The following FA2H variants were observed in gnomAD, a reference collection of about 807,000 sequenced individuals.
The protein encoded by FA2H is fatty acid alpha-hydroxylase.
Under a neutral mutation model 44.9 loss-of-function variants are expected in FA2H, and 22 were observed. That is an observed-to-expected ratio of 0.49 (90% CI 0.35 to 0.70). The LOEUF (loss-of-function observed/expected upper bound fraction) is 0.70, where lower values mean the gene tolerates loss of function less well. Among genes scored for constraint, FA2H ranks in the 30% least tolerant of loss-of-function variants. The probability of loss-of-function intolerance (pLI) is 0.01; values close to 1 mark genes in which losing one functional copy is unlikely to be tolerated. For synonymous variants in FA2H, 243 were observed against 213.2 expected (o/e 1.14, Z -1.22); for missense variants, 501 against 504.9 (o/e 0.99, Z 0.07).
rs79924008 is a variant in FA2H, at chr16:74,742,126, A to G, written c.271-2011T>C. ...CTAGCACGGGTCTTGCAAATACCAGATGCTCCACCCACATTTCCCCAGTGG... is the reference window on the plus strand; with the variant it reads ...CTAGCACGGGTCTTGCAAATACCAGGTGCTCCACCCACATTTCCCCAGTGG... On this transcript the variant is annotated intron_variant, in intron 1 of 6. Transcript: ENST00000219368. Among the ~76,000 whole-genome samples the G allele has an allele frequency of 7.7e-3, 1,169 of 152,038 alleles. 8 individuals are homozygous for G. The highest frequency in any genetic ancestry group is 0.01 in the Non-Finnish European group (695 of 67,990).
At chr16:74,716,761 T>A in intron 5 of FA2H, 162 bp from the exon 6 acceptor site, 1 of 701,580 alleles carries the variant, frequency 1.4e-6, no homozygotes, top group Non-Finnish European at 2.3e-6. Flanking sequence ...CCACCACGTC[T>A]GGAAGATCTG....
intron 1 of FA2H, among the ~76,000 whole-genome samples, chr16:74,773,690 C>T (rs1305179368): frequency 6.6e-6 from 1 of 152,222 alleles, no homozygotes; most frequent in African/African-American, 2.4e-5. Context: ...CAGAGCCTCC[C>T]TGAGCCTCAG....
chr16:74,761,440 A>T (rs1962706933), intron 1 of FA2H, among the ~76,000 whole-genome samples: 1 of 149,072 alleles, frequency 6.7e-6, no homozygotes, highest in African/African-American at 2.5e-5. Flanking sequence ...GCAACAGAGC[A>T]AGACTCTGTC....
chr16:74,740,785 C>T (rs915687688), intron 1 of FA2H, among the ~76,000 whole-genome samples: 2 of 152,072 alleles, frequency 1.3e-5, no homozygotes, highest in African/African-American at 4.8e-5. Flanking sequence ...GGGTCCCTGC[C>T]GGTTCTCCTT....
At chr16:74,729,420 G>A (rs941399254) in intron 2 of FA2H, among the ~76,000 whole-genome samples, 3 of 152,180 alleles carry the variant, frequency 2.0e-5, no homozygotes, top group Non-Finnish European at 1.5e-5. Flanking sequence ...CAGACTACAG[G>A]AGCGTGCCAC....
chr16:74,764,018 T>C (rs1962760784), intron 1 of FA2H, among the ~76,000 whole-genome samples: 1 of 152,244 alleles, frequency 6.6e-6, no homozygotes, highest in Non-Finnish European at 1.5e-5. Context: ...TGTTTCACAA[T>C]ATAAAGTACT....
chr16:74,734,230 G>A (rs1469299406), intron 2 of FA2H, among the ~76,000 whole-genome samples: 1 of 152,228 alleles, frequency 6.6e-6, no homozygotes, highest in Non-Finnish European at 1.5e-5. Context: ...GCATCTGGGG[G>A]CTCCCACGGC....
chr16:74,749,930 G>A (rs1436733411), intron 1 of FA2H, among the ~76,000 whole-genome samples: 1 of 152,212 alleles, frequency 6.6e-6, no homozygotes, highest in Non-Finnish European at 1.5e-5. Context: ...TCTCCGTGCT[G>A]GGAGCACAGC....
chr16:74,722,119 TC>T (rs1961854897), intron 4 of FA2H, among the ~76,000 whole-genome samples: 2 of 139,948 alleles, frequency 1.4e-5, no homozygotes, highest in African/African-American at 5.3e-5. Context: ...CCACCCTCCC[TC>T]CCAAGGGACT....
intron 1 of FA2H, among the ~76,000 whole-genome samples, chr16:74,741,983 G>A (rs1349264164): frequency 6.6e-6 from 1 of 151,568 alleles, no homozygotes; most frequent in African/African-American, 2.4e-5. Flanking sequence ...CTCTTCCCGT[G>A]ACAGCAGCTC....
chr16:74,765,036 ACT>A (rs1035465745), intron 1 of FA2H, among the ~76,000 whole-genome samples: 9 of 152,140 alleles, frequency 5.9e-5, no homozygotes, highest in African/African-American at 2.2e-4. Context: ...GGTTTTGCTA[ACT>A]CTCTCCGGCT....
intron 1 of FA2H, among the ~76,000 whole-genome samples, chr16:74,750,176 T>G (rs1053868248): frequency 6.6e-6 from 1 of 152,196 alleles, no homozygotes; most frequent in Non-Finnish European, 1.5e-5. Flanking sequence ...GACTGAGACC[T>G]CAAGCCACCT....
chr16:74,726,771 C>G (rs960810124), intron 3 of FA2H, among the ~76,000 whole-genome samples: 4 of 152,152 alleles, frequency 2.6e-5, no homozygotes, highest in African/African-American at 9.7e-5. Flanking sequence ...CTATGGAGAC[C>G]TGGGGTCAAA....
chr16:74,768,194 G>A (rs1962843484), intron 1 of FA2H, among the ~76,000 whole-genome samples: 1 of 152,232 alleles, frequency 6.6e-6, no homozygotes, highest in Admixed American at 6.5e-5. Flanking sequence ...TTACTCTCAT[G>A]TATTTCTAGG....
intron 1 of FA2H, among the ~76,000 whole-genome samples, chr16:74,773,328 A>C (rs1245140966): frequency 6.7e-6 from 1 of 149,240 alleles, no homozygotes; most frequent in Non-Finnish European, 1.5e-5. Context: ...ATTGTTCTTA[A>C]TTTATAAATT....
At chr16:74,771,391 G>A (rs986721005) in intron 1 of FA2H, among the ~76,000 whole-genome samples, 3 of 151,616 alleles carry the variant, frequency 2.0e-5, no homozygotes, top group East Asian at 1.9e-4. Context: ...AGATTTTACC[G>A]TGTTGCCCAG....
chr16:74,724,613 G>A (rs951997080), intron 4 of FA2H, among the ~76,000 whole-genome samples: 2 of 152,132 alleles, frequency 1.3e-5, no homozygotes, highest in Non-Finnish European at 2.9e-5. Flanking sequence ...CCTGTGGCTT[G>A]TGCCTTGCAT....
At chr16:74,752,050 C>A (rs1382677718) in intron 1 of FA2H, among the ~76,000 whole-genome samples, 1 of 152,208 alleles carries the variant, frequency 6.6e-6, no homozygotes, top group Non-Finnish European at 1.5e-5. Flanking sequence ...TCCTCAACTT[C>A]TTCCTTTCCC....
At position 74,755,022 on chromosome 16, in the gene FA2H, A is replaced by G. The variant is rs541453909; in HGVS notation, c.271-14907T>C. Among the ~76,000 whole-genome samples the G allele has an allele frequency of 5.4e-3, 825 of 152,322 alleles. 2 individuals are homozygous for G. Among genetic ancestry groups the G allele is most frequent in the South Asian group, 0.011 (51 of 4,828 alleles). On this transcript the variant is annotated intron_variant, in intron 1 of 6. Coordinates refer to ENST00000219368, the MANE Select transcript of FA2H (RefSeq NM_024306.5). ...ATACAACTACAAGCCAAGAAACACC[A>G]AAGGACAGCAGCCCCCCTAGAAGCC...
Sources: allele counts gnomAD v4.1 joint callset (sites outside exome capture counted in the v4.1 genomes callset), GRCh38; gene constraint gnomAD v4.1.1; transcripts MANE v1.5; gene names NCBI Gene and HGNC (gene_info 2026-07-23, HGNC 2026-07-21).